WDPCP: variants seen among roughly 807,000 people sequenced by gnomAD.
The protein encoded by WDPCP is WD repeat containing planar cell polarity effector.
WDPCP carries 71 observed loss-of-function variants against 93.1 expected under a neutral mutation model. That is an observed-to-expected ratio of 0.76 (90% CI 0.63 to 0.93). The LOEUF is 0.93. WDPCP is among the 40% of genes least tolerant of loss of function. WDPCP has a pLI of 0.00. For synonymous variants in WDPCP, 315 were observed against 315.0 expected, an observed-to-expected ratio of 1.00 and a Z score of 0.00; for missense variants, 844 against 887.4, an observed-to-expected ratio of 0.95 and a Z score of 0.62.
intron 13 of WDPCP, among the ~76,000 whole-genome samples, chr2:63,310,836 G>C (rs1385753063): frequency 6.6e-6 from 1 of 152,140 alleles, no homozygotes; most frequent in Non-Finnish European, 1.5e-5. Flanking sequence ...TCCAACCTAA[G>C]TGAAAAACCA....
At chr2:63,741,827 A>G (rs1256461016) in intron 2 of WDPCP, among the ~76,000 whole-genome samples, 1 of 152,124 alleles carries the variant, frequency 6.6e-6, no homozygotes, top group Non-Finnish European at 1.5e-5. Flanking sequence ...ATTATTCCAG[A>G]CTTCTCTATG....
At chr2:63,321,105 C>A (rs1032855387) in intron 12 of WDPCP, among the ~76,000 whole-genome samples, 1 of 151,830 alleles carries the variant, frequency 6.6e-6, no homozygotes, top group Non-Finnish European at 1.5e-5. Flanking sequence ...GAAGACCCAA[C>A]AATCATGACT....
chr2:63,406,723 T>TA (rs1694619398), intron 9 of WDPCP, among the ~76,000 whole-genome samples: 1 of 152,184 alleles, frequency 6.6e-6, no homozygotes, highest in African/African-American at 2.4e-5. Flanking sequence ...TGACCTAATG[T>TA]ACTGAGGGGA....
intron 2 of WDPCP, among the ~76,000 whole-genome samples, chr2:63,671,588 C>T (rs1202063453): frequency 1.3e-5 from 2 of 151,942 alleles, no homozygotes; most frequent in Non-Finnish European, 2.9e-5. Flanking sequence ...CACTCTGTCA[C>T]CCAGGCTGGA....
At chr2:63,497,303 G>A (rs765025579) in intron 1 of WDPCP, among the ~76,000 whole-genome samples, 13 of 152,004 alleles carry the variant, frequency 8.6e-5, no homozygotes, top group Non-Finnish European at 1.6e-4. Flanking sequence ...CAAGTATTGG[G>A]TACATCAATG....
At chr2:63,405,319 A>G (rs1472364627) in intron 9 of WDPCP, among the ~76,000 whole-genome samples, 1 of 152,334 alleles carries the variant, frequency 6.6e-6, no homozygotes, top group East Asian at 1.9e-4. Flanking sequence ...ACTAGTTTTA[A>G]AATAAACATT....
chr2:63,828,517 C>T (rs1404432818), upstream of WDPCP, among the ~76,000 whole-genome samples: 5 of 152,090 alleles, frequency 3.3e-5, no homozygotes, highest in Admixed American at 1.3e-4. Flanking sequence ...GTACCTAGAA[C>T]GGTGCCTAAG....
intron 3 of WDPCP, among the ~76,000 whole-genome samples, chr2:63,615,017 C>G (rs983642662): frequency 6.6e-6 from 1 of 152,178 alleles, no homozygotes; most frequent in Non-Finnish European, 1.5e-5. Context: ...CTCTTGTTAA[C>G]CTGTTTTTGT....
chr2:63,775,933 T>C (rs1280892744), intron 2 of WDPCP, among the ~76,000 whole-genome samples: 2 of 152,130 alleles, frequency 1.3e-5, no homozygotes, highest in African/African-American at 4.8e-5. Context: ...GTGCAGCAGC[T>C]CACACCTAAA....
chr2:63,192,432 G>C (rs774701777), intron 14 of WDPCP, among the ~76,000 whole-genome samples: 1 of 152,208 alleles, frequency 6.6e-6, no homozygotes, highest in Non-Finnish European at 1.5e-5. Context: ...ACTCCTGGTT[G>C]CTAGGTAGGT....
chr2:63,644,842 T>C (rs771747321), intron 3 of WDPCP, among the ~76,000 whole-genome samples: 19 of 152,310 alleles, frequency 1.2e-4, no homozygotes, highest in Admixed American at 3.3e-4. Flanking sequence ...TTCTGCAGTA[T>C]CAGCTGTAAT....
chr2:63,400,918 G>A (rs755834687), intron 10 of WDPCP, among the ~76,000 whole-genome samples: 15 of 152,108 alleles, frequency 9.9e-5, no homozygotes, highest in Non-Finnish European at 1.9e-4. Context: ...TTTAATAAAT[G>A]GTGCTGGGAA....
chr2:63,722,565 G>T (rs1436158384), intron 2 of WDPCP, among the ~76,000 whole-genome samples: 4 of 143,462 alleles, frequency 2.8e-5, no homozygotes, highest in East Asian at 2.0e-4. Flanking sequence ...AGGTGGGGGG[G>T]GGTCAGCCCC....
intron 2 of WDPCP, among the ~76,000 whole-genome samples, chr2:63,670,150 T>C (rs1001766300): frequency 6.6e-6 from 1 of 152,104 alleles, no homozygotes; most frequent in South Asian, 2.1e-4. Flanking sequence ...AACATTTGCA[T>C]AGGGGAGGAG....
At chr2:63,220,004 A>C (rs1377797057) in intron 14 of WDPCP, among the ~76,000 whole-genome samples, 3 of 150,918 alleles carry the variant, frequency 2.0e-5, no homozygotes, top group African/African-American at 7.3e-5. Flanking sequence ...TCTGTCTCCC[A>C]AAAAAAAATA....
At chr2:63,771,386 C>G (rs1316265243) in intron 2 of WDPCP, among the ~76,000 whole-genome samples, 1 of 151,776 alleles carries the variant, frequency 6.6e-6, no homozygotes, top group African/African-American at 2.4e-5. Context: ...AACATTTAAT[C>G]TATAATTTAA....
chr2:63,550,791 GTATA>G (rs59665154), intron 1 of WDPCP, among the ~76,000 whole-genome samples: 4 of 149,460 alleles, frequency 2.7e-5, no homozygotes, highest in East Asian at 2.0e-4. Context: ...ACATATATAT[GTATA>G]TATATATATA....
At chr2:63,486,365 G>A (rs1466087422) in intron 4 of WDPCP, among the ~76,000 whole-genome samples, 177 bp downstream of exon 4, 1 of 151,522 alleles carries the variant, frequency 6.6e-6, no homozygotes, top group Non-Finnish European at 1.5e-5. Flanking sequence ...AGATTTCAAC[G>A]ATCTAAATTA....
rs376366572 is a variant in WDPCP at position 63,349,608 on chromosome 2, G to T, written c.1748+28778C>A. Among the ~76,000 whole-genome samples, 80 of 151,610 alleles carry T rather than the reference G, an allele frequency of 5.3e-4. No homozygotes were observed. The South Asian group carries it at 6.3e-3, about 12-fold the overall frequency. On this transcript the variant is annotated intron_variant, in intron 12 of 17. Transcript: ENST00000272321. ...ATGAATGGTAGTCAGAATCCTCTGGGGAAAAAAAACCCAAGTTGGTTTCTT... is the reference window on the plus strand; with the variant it reads ...ATGAATGGTAGTCAGAATCCTCTGGTGAAAAAAAACCCAAGTTGGTTTCTT...
Sources: allele counts gnomAD v4.1 joint callset (sites outside exome capture counted in the v4.1 genomes callset), GRCh38; gene constraint gnomAD v4.1.1; transcripts MANE v1.5; gene names NCBI Gene and HGNC (gene_info 2026-07-23, HGNC 2026-07-21).